PLEKHM2: variants seen among roughly 807,000 people sequenced by gnomAD.
PLEKHM2 encodes pleckstrin homology and RUN domain containing M2.
In PLEKHM2, 77 loss-of-function variants were observed where a neutral mutation model predicts 116.3. That is an observed-to-expected ratio of 0.66 (90% CI 0.55 to 0.80). PLEKHM2 has a LOEUF of 0.80. PLEKHM2 is among the 30% of genes least tolerant of loss of function. The pLI is 0.00. For missense variants in PLEKHM2, 1,183 were observed against 1,354.9 expected, an observed-to-expected ratio of 0.87 and a Z score of 1.99; for synonymous variants, 562 against 571.0, an observed-to-expected ratio of 0.98 and a Z score of 0.22.
At chr1:15,704,617 C>G (rs1470678184) in intron 1 of PLEKHM2, among the ~76,000 whole-genome samples, 1 of 152,242 alleles carries the variant, frequency 6.6e-6, no homozygotes, top group Non-Finnish European at 1.5e-5. Flanking sequence ...GCTGCCTCAT[C>G]ACTGTCATGT....
chr1:15,728,972 T>G lies in PLEKHM2; in HGVS notation c.1987-130T>G, dbSNP rs1016227649. 1 of 890,892 alleles carries G rather than the reference T, an allele frequency of 1.1e-6. No homozygotes were observed. The highest frequency in any genetic ancestry group is 1.6e-5 in the African/African-American group (1 of 60,752). The allele number at this position is 890,892 out of a possible 1,614,324, so 55.2% of individuals were successfully genotyped here. A position where few individuals can be genotyped will look rare whatever the true frequency, so the allele number is the denominator to read the frequency against. Reference sequence around the variant, plus strand: ...CTCACTCATGCCAGCCCCTGGCCTCTGGGGCTTTACTTGGTGGTGGCCCGG... The same window carrying G: ...CTCACTCATGCCAGCCCCTGGCCTCGGGGGCTTTACTTGGTGGTGGCCCGG... On this transcript the variant is annotated intron_variant, in intron 12 of 19. Transcript: ENST00000375799. This position sits in a 1 kb window ranked among gnomAD's most constrained non-coding sequence, Gnocchi z 5.9.
At chr1:15,696,557 G>T (rs532417950) in intron 1 of PLEKHM2, among the ~76,000 whole-genome samples, 1 of 152,204 alleles carries the variant, frequency 6.6e-6, no homozygotes, top group African/African-American at 2.4e-5. Flanking sequence ...CATCATATTG[G>T]TCAGGCTGGT....
intron 1 of PLEKHM2, among the ~76,000 whole-genome samples, chr1:15,706,676 G>T (rs1030891481): frequency 1.3e-5 from 2 of 152,154 alleles, no homozygotes; most frequent in Non-Finnish European, 2.9e-5. Context: ...CAAAGTGCTG[G>T]CATTACAGGC....
chr1:15,713,272 C>A (rs372500609), intron 1 of PLEKHM2, among the ~76,000 whole-genome samples: 320 of 152,080 alleles, frequency 2.1e-3, no homozygotes, highest in African/African-American at 7.3e-3. Context: ...TTTCTTATTT[C>A]TTTCTTTCTT....
chr1:15,730,802 C>A (rs994217604), intron 15 of PLEKHM2, 80 bp downstream of exon 15: 2 of 1,175,106 alleles, frequency 1.7e-6, no homozygotes, highest in South Asian at 3.0e-5. Flanking sequence ...GGGATCTCTC[C>A]GCAGCAGGTC....
In PLEKHM2 at chr1:15,732,066, C is replaced by G; in HGVS notation, c.2625+18C>G. 6.2e-7 allele frequency: 1 copy of G among 1,605,304 alleles called. No homozygotes were observed. Among genetic ancestry groups the G allele is most frequent in the Non-Finnish European group, 8.5e-7 (1 of 1,175,034 alleles). ...CCAAAGGGGTGAGCTTCGCCTGCCC[C>G]TACCGCTCACCTGGCTTGCCTGACC... is the stretch of plus-strand genomic sequence containing the variant. On this transcript the variant is annotated intron_variant, in intron 17 of 19. Coordinates refer to ENST00000375799, the MANE Select transcript of PLEKHM2 (RefSeq NM_015164.4).
rs1314308392 is a variant in PLEKHM2 at position 15,729,046 on chromosome 1, TCTC to T, written c.1987-54_1987-52del. The T allele has an allele frequency of 6.7e-7, 1 of 1,494,482 alleles. No homozygotes were observed. The highest frequency in any genetic ancestry group is 9.2e-7 in the Non-Finnish European group (1 of 1,091,714). 92.6% of individuals were successfully genotyped at this position (1,494,482 alleles called of 1,614,324 possible). A position where few individuals can be genotyped will look rare whatever the true frequency, so the allele number is the denominator to read the frequency against. On this transcript the variant is annotated intron_variant, in intron 12 of 19. Transcript: ENST00000375799. This position sits in a 1 kb window ranked among gnomAD's most constrained non-coding sequence, Gnocchi z 4.7. Reference sequence around the variant, plus strand: ...AGCGCTCAGCCTGGCCAAGCTGCCTTCTCCGCCAGGCAGCAGCTAAGCCCCAAG... The same window carrying T: ...AGCGCTCAGCCTGGCCAAGCTGCCTTCGCCAGGCAGCAGCTAAGCCCCAAG...
Position 15,728,774 on chromosome 1 carries a change from A to C in PLEKHM2, c.1986+41A>C, listed in dbSNP as rs770625777. 7 of 1,546,762 alleles carry C rather than the reference A, an allele frequency of 4.5e-6. No individual in the cohort carries two copies. In the Admixed American group the frequency reaches 9.2e-5, roughly 20 times the overall value. On this transcript the variant is annotated intron_variant, in intron 12 of 19. Coordinates refer to ENST00000375799, the MANE Select transcript of PLEKHM2 (RefSeq NM_015164.4). This position sits in a 1 kb window ranked among gnomAD's most constrained non-coding sequence, Gnocchi z 5.9. ...GCAGTTGTGCGCCTGCTGTAGGTAC[A>C]GGGCTTCTCAAGCCACTTACCCATA...
At chr1:15,691,757 C>T (rs1640892624) in intron 1 of PLEKHM2, among the ~76,000 whole-genome samples, 1 of 152,154 alleles carries the variant, frequency 6.6e-6, no homozygotes, top group Non-Finnish European at 1.5e-5. Flanking sequence ...AACTTTTTCT[C>T]ATTTTTCTAC....
In PLEKHM2 at chr1:15,686,647, A is replaced by ATT. The variant is rs1361252513; in HGVS notation, c.60+2029_60+2030insTT. ...AGGTGTGCGCCACCACACCCGGCTA[A>ATT]ATTTTTTTTTTTTTTTTTTGAGACG... On this transcript the variant is annotated intron_variant, in intron 1 of 19. Transcript: ENST00000375799. Among the ~76,000 whole-genome samples the ATT allele has an allele frequency of 8.5e-5, 12 of 140,876 alleles. 1 individual carries two copies. The highest frequency in any genetic ancestry group is 1.2e-4 in the African/African-American group (4 of 33,516). 92.4% of individuals were successfully genotyped at this position (140,876 alleles called of 152,430 possible). A position where few individuals can be genotyped will look rare whatever the true frequency, so the allele number is the denominator to read the frequency against.
chr1:15,726,116 G>A (rs150137162), intron 8 of PLEKHM2, among the ~76,000 whole-genome samples: 188 of 152,360 alleles, frequency 1.2e-3, no homozygotes, highest in Non-Finnish European at 2.1e-3. Context: ...CTGGGGCCAT[G>A]TCCAGGCTGC....
rs1287199921 is a variant in PLEKHM2, at chr1:15,721,578, T to C, written c.712+190T>C. On this transcript the variant is annotated intron_variant, in intron 7 of 19. Coordinates refer to ENST00000375799, the MANE Select transcript of PLEKHM2 (RefSeq NM_015164.4). The surrounding 1 kb of genome is among the most constrained non-coding windows in gnomAD (Gnocchi z 5.1). Reference sequence around the variant, plus strand: ...CAACCTCTAGCCATAGGCAAATCCCTTCTCCCAGTGCAGGGCTCCTGCCTT... The same window carrying C: ...CAACCTCTAGCCATAGGCAAATCCCCTCTCCCAGTGCAGGGCTCCTGCCTT... Among the ~76,000 whole-genome samples the C allele has an allele frequency of 6.6e-6, 1 of 152,196 alleles. No individual in the cohort carries two copies. Among genetic ancestry groups the C allele is most frequent in the Non-Finnish European group, 1.5e-5 (1 of 68,024 alleles).
At position 15,705,467 on chromosome 1, in the gene PLEKHM2, C is replaced by T. The variant is rs922869054; in HGVS notation, c.61-10770C>T. ...AAAGCGCTGGGATTATAGGCGTGAG[C>T]CACTGTGCCCGGCCTCCACATAGAT... On this transcript the variant is annotated intron_variant, in intron 1 of 19. Coordinates refer to ENST00000375799, the MANE Select transcript of PLEKHM2 (RefSeq NM_015164.4). Among the ~76,000 whole-genome samples the T allele has an allele frequency of 3.3e-5, 5 of 152,046 alleles. No individual in the cohort carries two copies. The South Asian group carries it at 1.0e-3, about 32-fold the overall frequency.
chr1:15,732,225 C>A (rs1557663961), intron 17 of PLEKHM2, 125 bp from the exon 18 acceptor site: 4 of 993,104 alleles, frequency 4.0e-6, no homozygotes, highest in Non-Finnish European at 5.9e-6. Context: ...CGCCTCTGCT[C>A]CCGATCCCTG....
intron 1 of PLEKHM2, among the ~76,000 whole-genome samples, chr1:15,705,958 G>C (rs796470686): frequency 6.6e-6 from 1 of 152,054 alleles, no homozygotes; most frequent in South Asian, 2.1e-4. Context: ...CTGTGGTGTC[G>C]CACACCTGCA....
In PLEKHM2 at chr1:15,719,041, C is replaced by T. The variant is rs16851982; in HGVS notation, c.465+416C>T. Among the ~76,000 whole-genome samples the T allele has an allele frequency of 6.6e-6, 1 of 152,180 alleles. No homozygotes were observed. The highest frequency in any genetic ancestry group is 1.5e-5 in the Non-Finnish European group (1 of 68,032). ...CCACCCTCTTCAAGTTCTCAAGTTT[C>T]TCTCCCCATCACACCCTGTACAAAT... On this transcript the variant is annotated intron_variant, in intron 5 of 19. Transcript: ENST00000375799. The surrounding 1 kb of genome is among the most constrained non-coding windows in gnomAD (Gnocchi z 4.1).
At chr1:15,731,737 G>C (rs1434430687) in intron 16 of PLEKHM2, among the ~76,000 whole-genome samples, 152 bp from the exon 17 acceptor site, 1 of 152,128 alleles carries the variant, frequency 6.6e-6, no homozygotes, top group African/African-American at 2.4e-5. Context: ...TCTCCTGGGA[G>C]CTGGAGGGGC....
intron 2 of PLEKHM2, 125 bp from the exon 3 acceptor site, chr1:15,716,582 G>T: frequency 1.1e-6 from 1 of 884,236 alleles, no homozygotes; most frequent in Non-Finnish European, 1.8e-6. Flanking sequence ...AAGGTGTGCT[G>T]GGTGCCTGGG....
chr1:15,691,606 A>G (rs1269395633), intron 1 of PLEKHM2, among the ~76,000 whole-genome samples: 1 of 152,052 alleles, frequency 6.6e-6, no homozygotes, highest in African/African-American at 2.4e-5. Flanking sequence ...GTGAAGTTCT[A>G]TTTCTGGCCA....
Sources: gnomAD v4.1 joint callset for allele counts (sites outside exome capture counted in the v4.1 genomes callset) on GRCh38, gnomAD v4.1.1 for gene constraint, Gnocchi (gnomAD v3.1) non-coding constraint, MANE v1.5 for transcripts, NCBI Gene and HGNC (gene_info 2026-07-23, HGNC 2026-07-21) for gene names.